Variants in CADM2 observed in about 807,000 individuals in gnomAD.
CADM2 encodes the protein cell adhesion molecule 2.
A neutral mutation model predicts 49.8 loss-of-function variants in CADM2; 12 were observed. The ratio of observed to expected loss-of-function variants is 0.24; its 90% confidence interval spans 0.15 to 0.39. CADM2 has a LOEUF of 0.39. Among genes scored for constraint, CADM2 ranks in the 10% least tolerant of loss-of-function variants. CADM2 has a pLI of 1.00. For synonymous variants in CADM2, 214 were observed against 175.4 expected, an observed-to-expected ratio of 1.22 and a Z score of -1.74; for missense variants, 378 against 492.3, an observed-to-expected ratio of 0.77 and a Z score of 2.20.
chr3:85,910,568 G>C (rs1467776570), intron 5 of CADM2, among the ~76,000 whole-genome samples: 2 of 152,064 alleles, frequency 1.3e-5, no homozygotes, highest in East Asian at 3.9e-4. Flanking sequence ...AATGAGATGA[G>C]ATATTTCATA....
At chr3:85,160,972 G>A (rs745637548) in intron 1 of CADM2, among the ~76,000 whole-genome samples, 2 of 152,104 alleles carry the variant, frequency 1.3e-5, no homozygotes, top group Non-Finnish European at 2.9e-5. Flanking sequence ...CTGTGTCAGA[G>A]GCAAAGAAAG....
In CADM2 at chr3:85,012,830, T is replaced by G. The variant is rs2034059741; in HGVS notation, c.61+53162T>G. Among the ~76,000 whole-genome samples, 2 of 151,710 alleles carry G rather than the reference T, an allele frequency of 1.3e-5. 1 individual carries two copies. Among genetic ancestry groups the G allele is most frequent in the South Asian group, 4.1e-4 (2 of 4,828 alleles). On this transcript the variant is annotated intron_variant, in intron 1 of 9. Transcript: ENST00000383699. ...AAATCCTAGTATCATAGTATCATTT[T>G]GATTGATGGAGCCAATTATCTGCAT...
intron 7 of CADM2, among the ~76,000 whole-genome samples, chr3:85,955,533 T>C (rs1034823360): frequency 6.6e-6 from 1 of 151,486 alleles, no homozygotes; most frequent in African/African-American, 2.4e-5. Flanking sequence ...CCATTCTCAG[T>C]ACCTAGGGAG....
At chr3:85,284,790 A>G (rs1438224467) in intron 1 of CADM2, among the ~76,000 whole-genome samples, 1 of 152,070 alleles carries the variant, frequency 6.6e-6, no homozygotes, top group Admixed American at 6.6e-5. Context: ...GGCTATATAA[A>G]TAAGCTTGTT....
intron 1 of CADM2, among the ~76,000 whole-genome samples, chr3:85,201,244 A>C (rs1333780030): frequency 1.3e-5 from 2 of 152,212 alleles, no homozygotes; most frequent in Admixed American, 6.5e-5. Flanking sequence ...AGAATATATC[A>C]CAAAAAAGCA....
chr3:85,610,220 C>G (rs908627768), intron 1 of CADM2, among the ~76,000 whole-genome samples: 1 of 151,868 alleles, frequency 6.6e-6, no homozygotes, highest in Non-Finnish European at 1.5e-5. Flanking sequence ...AATCTTTATG[C>G]AAAAGATCTT....
At chr3:85,788,368 A>G (rs1274408994) in intron 2 of CADM2, among the ~76,000 whole-genome samples, 2 of 152,108 alleles carry the variant, frequency 1.3e-5, no homozygotes, top group African/African-American at 4.8e-5. Flanking sequence ...TTTTATATCT[A>G]TGCCATTTTG....
chr3:85,139,036 G>A (rs1370326941), intron 1 of CADM2, among the ~76,000 whole-genome samples: 1 of 152,164 alleles, frequency 6.6e-6, no homozygotes, highest in Non-Finnish European at 1.5e-5. Flanking sequence ...TGCCACATCT[G>A]CTACTGGCAT....
chr3:85,545,311 A>G (rs2061645002), intron 1 of CADM2, among the ~76,000 whole-genome samples: 1 of 152,202 alleles, frequency 6.6e-6, no homozygotes, highest in Non-Finnish European at 1.5e-5. Flanking sequence ...GGCTCTTACT[A>G]TGTTCCATGC....
chr3:85,371,619 CTGTGTGTG>C (rs71108284), intron 1 of CADM2, among the ~76,000 whole-genome samples: 2 of 124,674 alleles, frequency 1.6e-5, no homozygotes, highest in African/African-American at 3.1e-5. Context: ...CCACACATCA[CTGTGTGTG>C]TGTGTGTGTG....
chr3:85,698,943 C>T (rs2066656421), intron 1 of CADM2, among the ~76,000 whole-genome samples: 1 of 152,176 alleles, frequency 6.6e-6, no homozygotes, highest in South Asian at 2.1e-4. Context: ...CTAGCCCCTT[C>T]TGCCTATGAG....
At chr3:85,433,759 A>C (rs911068246) in intron 1 of CADM2, among the ~76,000 whole-genome samples, 2 of 152,156 alleles carry the variant, frequency 1.3e-5, no homozygotes, top group Non-Finnish European at 2.9e-5. Context: ...AGTGGTTTAG[A>C]GATACGAGTC....
chr3:85,610,647 A>G (rs1415455998), intron 1 of CADM2, among the ~76,000 whole-genome samples: 1 of 152,000 alleles, frequency 6.6e-6, no homozygotes, highest in Non-Finnish European at 1.5e-5. Flanking sequence ...TATAATTGAG[A>G]TTAAACTCAA....
chr3:85,249,702 A>C (rs531065280), intron 1 of CADM2, among the ~76,000 whole-genome samples: 1 of 152,070 alleles, frequency 6.6e-6, no homozygotes, highest in South Asian at 2.1e-4. Flanking sequence ...TAAGACCATA[A>C]GACCACATTG....
At chr3:85,597,417 T>A (rs1418403622) in intron 1 of CADM2, among the ~76,000 whole-genome samples, 1 of 152,132 alleles carries the variant, frequency 6.6e-6, no homozygotes, top group Non-Finnish European at 1.5e-5. Flanking sequence ...CTGAATGTAA[T>A]GTGCATATTT....
intron 1 of CADM2, among the ~76,000 whole-genome samples, chr3:85,554,949 C>CA (rs2061920664): frequency 1.3e-5 from 2 of 150,864 alleles, no homozygotes; most frequent in Non-Finnish European, 2.9e-5. Context: ...CTCCCAGCCT[C>CA]AAACCATCCT....
intron 1 of CADM2, among the ~76,000 whole-genome samples, chr3:85,538,121 T>C (rs960571535): frequency 6.6e-6 from 1 of 152,148 alleles, no homozygotes; most frequent in African/African-American, 2.4e-5. Context: ...TTTTTGTCTA[T>C]AGTACATCCT....
At chr3:85,359,666 A>ATATATT in intron 1 of CADM2, among the ~76,000 whole-genome samples, 6 of 26,558 alleles carry the variant, frequency 2.3e-4, no homozygotes, top group Admixed American at 5.8e-4. Context: ...ATATATATAT[A>ATATATT]TTTTTTTTTT....
intron 1 of CADM2, among the ~76,000 whole-genome samples, chr3:85,669,421 G>A (rs1258130789): frequency 6.6e-6 from 1 of 152,144 alleles, no homozygotes; most frequent in Non-Finnish European, 1.5e-5. Context: ...GAAGTATTGA[G>A]CATATAGAGT....
Sources: allele counts gnomAD v4.1 joint callset (sites outside exome capture counted in the v4.1 genomes callset), GRCh38; gene constraint gnomAD v4.1.1; transcripts MANE v1.5; gene names NCBI Gene and HGNC (gene_info 2026-07-23, HGNC 2026-07-21).